ERBB4: variants seen among roughly 807,000 people sequenced by gnomAD.
ERBB4 encodes receptor tyrosine-protein kinase erbB-4.
In ERBB4, 42 loss-of-function variants were observed where a neutral mutation model predicts 158.0. That is an observed-to-expected ratio of 0.27 (90% CI 0.21 to 0.34). The LOEUF is 0.34. ERBB4 is among the 10% of genes least tolerant of loss of function. The pLI is 1.00. For synonymous variants in ERBB4, 583 were observed against 558.7 expected (o/e 1.04, Z -0.61); for missense variants, 1,333 against 1,624.1 (o/e 0.82, Z 3.08).
chr2:212,212,683 G>C (rs1307223416), intron 1 of ERBB4, among the ~76,000 whole-genome samples: 3 of 152,220 alleles, frequency 2.0e-5, no homozygotes, highest in African/African-American at 7.2e-5. Context: ...CAAGGCTACA[G>C]TAACCAAAAC....
chr2:211,857,211 A>G (rs1365577032), intron 3 of ERBB4, among the ~76,000 whole-genome samples: 2 of 151,950 alleles, frequency 1.3e-5, no homozygotes, highest in African/African-American at 4.8e-5. Flanking sequence ...TTAATAAAAG[A>G]ATAACGATAG....
intron 4 of ERBB4, among the ~76,000 whole-genome samples, chr2:211,784,508 TG>T (rs2076110746): frequency 6.6e-6 from 1 of 152,218 alleles, no homozygotes; most frequent in Non-Finnish European, 1.5e-5. Flanking sequence ...CATCCATATA[TG>T]ACATTTGGGT....
intron 1 of ERBB4, among the ~76,000 whole-genome samples, chr2:212,451,266 T>A (rs1185426748): frequency 6.6e-6 from 1 of 152,190 alleles, no homozygotes; most frequent in East Asian, 1.9e-4. Context: ...CAAAGAAAAG[T>A]TCATATTTGC....
intron 1 of ERBB4, among the ~76,000 whole-genome samples, chr2:212,438,783 T>G (rs1227908865): frequency 6.6e-6 from 1 of 152,016 alleles, no homozygotes. Context: ...GGGATGAAAT[T>G]TGAGGGATAT....
chr2:211,685,347 T>C (rs1400988437), intron 12 of ERBB4, among the ~76,000 whole-genome samples: 1 of 152,208 alleles, frequency 6.6e-6, no homozygotes, highest in Non-Finnish European at 1.5e-5. Context: ...ATTTGCTCTA[T>C]AGATGTTCAT....
At chr2:211,530,052 G>A (rs1168858935) in intron 20 of ERBB4, among the ~76,000 whole-genome samples, 6 of 152,030 alleles carry the variant, frequency 3.9e-5, no homozygotes, top group Non-Finnish European at 7.4e-5. Context: ...AAAGGAAGAC[G>A]TCAAGTTATT....
At chr2:212,496,738 T>C (rs1334027807) in intron 1 of ERBB4, among the ~76,000 whole-genome samples, 1 of 152,198 alleles carries the variant, frequency 6.6e-6, no homozygotes, top group Non-Finnish European at 1.5e-5. Context: ...TCTATCTCTA[T>C]GCTGACTTCA....
At chr2:212,517,490 A>C (rs768856108) in intron 1 of ERBB4, among the ~76,000 whole-genome samples, 3 of 152,228 alleles carry the variant, frequency 2.0e-5, no homozygotes, top group Non-Finnish European at 2.9e-5. Flanking sequence ...TGATTATCCC[A>C]ATACTTAGAG....
chr2:211,915,127 G>A (rs1004060137), intron 3 of ERBB4, among the ~76,000 whole-genome samples: 10 of 152,016 alleles, frequency 6.6e-5, no homozygotes, highest in Non-Finnish European at 1.3e-4. Flanking sequence ...ATTTTAATTT[G>A]TTTCAGTACT....
intron 4 of ERBB4, among the ~76,000 whole-genome samples, chr2:211,763,915 A>ACACACACACACAAAT (rs1553627666): frequency 0.013 from 474 of 36,244 alleles, 3 homozygotes; most frequent in African/African-American, 0.051. Context: ...CACACACACA[A>ACACACACACACAAAT]ATATATGTAT....
intron 19 of ERBB4, among the ~76,000 whole-genome samples, chr2:211,610,379 G>T (rs572078806): frequency 1.2e-4 from 18 of 152,146 alleles, no homozygotes; most frequent in African/African-American, 4.1e-4. Context: ...ACAGTATTTT[G>T]TATCCTTAAC....
chr2:212,097,096 G>A (rs186695552), intron 2 of ERBB4, among the ~76,000 whole-genome samples: 1 of 152,226 alleles, frequency 6.6e-6, no homozygotes, highest in Admixed American at 6.5e-5. Flanking sequence ...ATAAGCTACA[G>A]TACTACGCAC....
chr2:211,570,142 GT>G (rs1386193505), intron 19 of ERBB4, among the ~76,000 whole-genome samples: 1 of 151,738 alleles, frequency 6.6e-6, no homozygotes, highest in African/African-American at 2.4e-5. Context: ...TTATTTTTGT[GT>G]TTTTTATGTT....
In ERBB4 at chr2:211,694,561, CT is replaced by C. The variant is rs58556416; in HGVS notation, c.1489+7405del. Among the ~76,000 whole-genome samples the C allele has an allele frequency of 6.1e-3, 908 of 148,394 alleles. 10 individuals carry two copies. The highest frequency in any genetic ancestry group is 0.019 in the African/African-American group (766 of 40,516). ...ACAATAACAAAATCTTACTTGAATGCTTTTTTTTTTTTACAAAGAACAGTGT... is the reference window on the plus strand; with the variant it reads ...ACAATAACAAAATCTTACTTGAATGCTTTTTTTTTTTACAAAGAACAGTGT... On this transcript the variant is annotated intron_variant, in intron 12 of 27. Coordinates refer to ENST00000342788, the MANE Select transcript of ERBB4 (RefSeq NM_005235.3).
intron 20 of ERBB4, among the ~76,000 whole-genome samples, chr2:211,443,627 T>C (rs1348948669): frequency 3.9e-5 from 6 of 152,070 alleles, no homozygotes; most frequent in Admixed American, 1.3e-4. Flanking sequence ...CTGTTTATCA[T>C]TGACATCTGG....
At chr2:211,443,018 A>ACAGT (rs1156567406) in intron 20 of ERBB4, among the ~76,000 whole-genome samples, 11 of 151,982 alleles carry the variant, frequency 7.2e-5, no homozygotes, top group African/African-American at 2.7e-4. Flanking sequence ...ACGTTTTGGG[A>ACAGT]CAGTCAATAA....
chr2:211,875,050 A>AC (rs140264094), intron 3 of ERBB4, among the ~76,000 whole-genome samples: 5,108 of 74,902 alleles, frequency 0.068, 234 homozygotes, highest in African/African-American at 0.12. Flanking sequence ...AAAAAAAAAA[A>AC]CAAACTCAAA....
chr2:211,772,301 G>T (rs2075711545), intron 4 of ERBB4, among the ~76,000 whole-genome samples: 1 of 152,058 alleles, frequency 6.6e-6, no homozygotes. Context: ...CTGACATATG[G>T]TATAATTTAA....
At chr2:211,995,409 A>C (rs1296504213) in intron 2 of ERBB4, among the ~76,000 whole-genome samples, 2 of 152,272 alleles carry the variant, frequency 1.3e-5, no homozygotes, top group East Asian at 3.9e-4. Flanking sequence ...ATTTAAATCC[A>C]AGTTCCTCAA....
Sources: gnomAD v4.1 joint callset for allele counts (sites outside exome capture counted in the v4.1 genomes callset) on GRCh38, gnomAD v4.1.1 for gene constraint, MANE v1.5 for transcripts, NCBI Gene and HGNC (gene_info 2026-07-23, HGNC 2026-07-21) for gene names.